MAN1C1: variants seen among roughly 807,000 people sequenced by gnomAD.
MAN1C1 encodes mannosidase alpha class 1C member 1, also known as mannosyl-oligosaccharide 1,2-alpha-mannosidase IC.
A neutral mutation model predicts 71.5 loss-of-function variants in MAN1C1; 49 were observed. The observed-to-expected ratio is 0.69, with a 90% CI of 0.54 to 0.87. MAN1C1 has a LOEUF of 0.87. Ranked by LOEUF, MAN1C1 falls within the 40% of genes least tolerant of loss-of-function variation. MAN1C1 has a pLI of 0.00. For synonymous variants in MAN1C1, 352 were observed against 343.7 expected, an observed-to-expected ratio of 1.02 and a Z score of -0.27; for missense variants, 743 against 835.0, an observed-to-expected ratio of 0.89 and a Z score of 1.36.
In MAN1C1 at chr1:25,764,481, C is replaced by T. The variant is rs1180481207; in HGVS notation, c.1141+514C>T. ...AGGCCGGAGTGCAGTGGCACGATCTCGGCTCACTGCAACCTCTGCCTCCCA... is the reference window on the plus strand; with the variant it reads ...AGGCCGGAGTGCAGTGGCACGATCTTGGCTCACTGCAACCTCTGCCTCCCA... On this transcript the variant is annotated intron_variant, in intron 7 of 11. Transcript: ENST00000374332. This position sits in a 1 kb window ranked among gnomAD's most constrained non-coding sequence, Gnocchi z 4.4. Among the ~76,000 whole-genome samples the T allele has an allele frequency of 2.0e-5, 3 of 151,974 alleles. No homozygotes were observed. Among genetic ancestry groups the T allele is most frequent in the South Asian group, 4.2e-4 (2 of 4,810 alleles).
chr1:25,681,049 C>T (rs1238146613), intron 1 of MAN1C1, among the ~76,000 whole-genome samples: 1 of 151,750 alleles, frequency 6.6e-6, no homozygotes, highest in Middle Eastern at 3.4e-3. Flanking sequence ...GGAGAAACCC[C>T]TTCTCTACTA....
chr1:25,766,950 C>T (rs767147697), intron 7 of MAN1C1, among the ~76,000 whole-genome samples: 6 of 151,978 alleles, frequency 3.9e-5, no homozygotes, highest in Non-Finnish European at 5.9e-5. Flanking sequence ...CGCATTGGCA[C>T]GGTCAGGAAG....
chr1:25,695,634 C>T (rs1349928209), intron 2 of MAN1C1, among the ~76,000 whole-genome samples: 1 of 152,230 alleles, frequency 6.6e-6, no homozygotes, highest in Non-Finnish European at 1.5e-5. Flanking sequence ...CTGCGCTTTC[C>T]TTCTTCAAAG....
chr1:25,658,449 T>TG (rs1194311479), intron 1 of MAN1C1, among the ~76,000 whole-genome samples: 1 of 152,124 alleles, frequency 6.6e-6, no homozygotes, highest in Non-Finnish European at 1.5e-5. Context: ...CATCCAAACT[T>TG]GCTGCTGCTT....
intron 2 of MAN1C1, among the ~76,000 whole-genome samples, chr1:25,739,057 C>T (rs1042450203): frequency 3.3e-5 from 5 of 152,070 alleles, no homozygotes; most frequent in African/African-American, 7.2e-5. Flanking sequence ...CCCTGCTTCT[C>T]GGGAGTTCAA....
chr1:25,758,032 G>A (rs762929735), intron 5 of MAN1C1, among the ~76,000 whole-genome samples: 10 of 152,236 alleles, frequency 6.6e-5, no homozygotes, highest in African/African-American at 1.2e-4. Flanking sequence ...TCCTATGTAG[G>A]TTCCATGAAA....
chr1:25,618,392 G>A, intron 1 of MAN1C1, 55 bp downstream of exon 1: 1 of 1,519,274 alleles, frequency 6.6e-7, no homozygotes, highest in Non-Finnish European at 8.9e-7. Context: ...AAGGAGAGAA[G>A]ACCCTCTGGC....
chr1:25,644,518 A>ATATTTTTTTTTT (rs61386117), intron 1 of MAN1C1: 4 of 40,290 alleles, frequency 9.9e-5, no homozygotes, highest in African/African-American at 7.6e-4. Context: ...ATATATATAT[A>ATATTTTTTTTTT]TTTTTTTTTT....
chr1:25,626,559 T>C (rs577815766), intron 1 of MAN1C1, among the ~76,000 whole-genome samples: 235 of 152,106 alleles, frequency 1.5e-3, no homozygotes, highest in African/African-American at 5.4e-3. Context: ...GGGGTTTCAC[T>C]GTGTTAGCCA....
At chr1:25,754,659 C>T (rs1327398840) in intron 5 of MAN1C1, among the ~76,000 whole-genome samples, 1 of 150,898 alleles carries the variant, frequency 6.6e-6, no homozygotes, top group Non-Finnish European at 1.5e-5. Flanking sequence ...TGGAGAGACA[C>T]AGCCAGCTGT....
chr1:25,781,121 G>A lies in MAN1C1; in HGVS notation c.1650+9G>A. ...GCTGGGAGGTGGTGCTGGTGAGTGGGCCCCAGGGATGGGCAGCAAGGTGCT... is the reference window on the plus strand; with the variant it reads ...GCTGGGAGGTGGTGCTGGTGAGTGGACCCCAGGGATGGGCAGCAAGGTGCT... On this transcript the variant is annotated intron_variant, in intron 10 of 11. Coordinates refer to ENST00000374332, the MANE Select transcript of MAN1C1 (RefSeq NM_020379.4). The A allele has an allele frequency of 1.2e-6, 2 of 1,613,114 alleles. No individual in the cohort carries two copies. The highest frequency in any genetic ancestry group is 1.7e-6 in the Non-Finnish European group (2 of 1,179,418).
intron 1 of MAN1C1, among the ~76,000 whole-genome samples, chr1:25,621,978 GC>G (rs2124747096): frequency 6.6e-6 from 1 of 152,266 alleles, no homozygotes; most frequent in East Asian, 1.9e-4. Flanking sequence ...AGTGAAGGGG[GC>G]TTTTTATAAA....
At chr1:25,743,863 C>A (rs926106049) in intron 2 of MAN1C1, among the ~76,000 whole-genome samples, 1 of 152,202 alleles carries the variant, frequency 6.6e-6, no homozygotes, top group African/African-American at 2.4e-5. Context: ...TCTCTTGATC[C>A]GTAACTGATC....
chr1:25,638,566 G>A (rs1433996265), intron 1 of MAN1C1, among the ~76,000 whole-genome samples: 1 of 151,948 alleles, frequency 6.6e-6, no homozygotes, highest in Non-Finnish European at 1.5e-5. Context: ...TTTTTGTAGT[G>A]TAGATCTGCT....
chr1:25,671,187 T>A (rs1480230309), intron 1 of MAN1C1, among the ~76,000 whole-genome samples: 1 of 152,194 alleles, frequency 6.6e-6, no homozygotes, highest in Non-Finnish European at 1.5e-5. Context: ...TCGCTGCTGC[T>A]GTTTGTTCCA....
chr1:25,736,913 C>G (rs2046990143), intron 2 of MAN1C1, among the ~76,000 whole-genome samples: 1 of 152,220 alleles, frequency 6.6e-6, no homozygotes. Flanking sequence ...GAGATCAGAA[C>G]CGGGTCTGTT....
intron 8 of MAN1C1, 63 bp downstream of exon 8, chr1:25,771,835 G>T (rs1171327163): frequency 1.4e-5 from 19 of 1,357,744 alleles, no homozygotes; most frequent in Admixed American, 8.5e-5. Context: ...TCTCACGGCC[G>T]AGCGAGGGTG....
rs1006017332 is a variant in MAN1C1 at position 25,730,971 on chromosome 1, A to C, written c.638-15697A>C. On this transcript the variant is annotated intron_variant, in intron 2 of 11. Transcript: ENST00000374332. This position sits in a 1 kb window ranked among gnomAD's most constrained non-coding sequence, Gnocchi z 4.3. ...GGCTGGTAAGCCACAGAGCCAAGGC[A>C]CATGGTTTGACCACAAGCCTGTGCT... Among the ~76,000 whole-genome samples the C allele has an allele frequency of 4.6e-5, 7 of 152,328 alleles. No homozygotes were observed. The highest frequency in any genetic ancestry group is 1.3e-4 in the Admixed American group (2 of 15,300).
chr1:25,717,591 T>C (rs1212645197), intron 2 of MAN1C1, among the ~76,000 whole-genome samples: 1 of 151,576 alleles, frequency 6.6e-6, no homozygotes, highest in Non-Finnish European at 1.5e-5. Flanking sequence ...TTTTTTTTTT[T>C]TGAGATGGAG....
Sources: allele counts gnomAD v4.1 joint callset (sites outside exome capture counted in the v4.1 genomes callset), GRCh38; gene constraint gnomAD v4.1.1; non-coding constraint Gnocchi (gnomAD v3.1); transcripts MANE v1.5; gene names NCBI Gene and HGNC (gene_info 2026-07-23, HGNC 2026-07-21).